GUCY1B1: variants seen among roughly 807,000 people sequenced by gnomAD.
The protein encoded by GUCY1B1 is guanylate cyclase 1 soluble subunit beta 1.
In GUCY1B1, 43 loss-of-function variants were observed where a neutral mutation model predicts 71.0. The observed-to-expected ratio is 0.61, with a 90% CI of 0.47 to 0.78. The LOEUF is 0.78. Among genes scored for constraint, GUCY1B1 ranks in the 30% least tolerant of loss-of-function variants. GUCY1B1 has a pLI of 0.00. For missense variants in GUCY1B1, 535 were observed against 754.1 expected (o/e 0.71, Z 3.40); for synonymous variants, 266 against 259.7 (o/e 1.02, Z -0.23).
At chr4:155,784,631 AG>A (rs1738645582) in intron 4 of GUCY1B1, among the ~76,000 whole-genome samples, 1 of 152,182 alleles carries the variant, frequency 6.6e-6, no homozygotes. Context: ...GATTTCTTGC[AG>A]ATCTAAACTG....
chr4:155,795,570 C>T (rs757906067), intron 7 of GUCY1B1, 113 bp downstream of exon 7: 62 of 539,606 alleles, frequency 1.1e-4, no homozygotes, highest in Non-Finnish European at 1.8e-4. Flanking sequence ...AAAACCCAGA[C>T]CTCAAAGGAA....
chr4:155,774,825 T>A (rs1737931855), intron 2 of GUCY1B1, 143 bp from the exon 3 acceptor site: 1 of 623,206 alleles, frequency 1.6e-6, no homozygotes, highest in Non-Finnish European at 2.8e-6. Context: ...TTTAGGTACA[T>A]GATGATGTTT....
intron 2 of GUCY1B1, 25 bp downstream of exon 2, chr4:155,759,885 T>C: frequency 6.3e-7 from 1 of 1,584,352 alleles, no homozygotes; most frequent in Non-Finnish European, 8.7e-7. Flanking sequence ...ACCCTGGCTG[T>C]GGCCCAGGTC....
chr4:155,766,325 T>C (rs1419229192), intron 2 of GUCY1B1, among the ~76,000 whole-genome samples: 2 of 152,192 alleles, frequency 1.3e-5, no homozygotes, highest in Admixed American at 6.5e-5. Context: ...ATAAAAGTTA[T>C]ATATATTTAA....
At chr4:155,782,061 G>A (rs1018751269) in intron 4 of GUCY1B1, among the ~76,000 whole-genome samples, 2 of 151,240 alleles carry the variant, frequency 1.3e-5, no homozygotes, top group Non-Finnish European at 2.9e-5. Flanking sequence ...CTTTTTTTGC[G>A]TTTTTTAATG....
intron 2 of GUCY1B1, among the ~76,000 whole-genome samples, chr4:155,762,129 G>A (rs2219538): frequency 0.27 from 41,447 of 152,040 alleles, 5,903 homozygotes; most frequent in Middle Eastern, 0.4. Context: ...CCCTGGGAGA[G>A]CATTTGCTTT....
chr4:155,799,893 G>A lies in GUCY1B1; in HGVS notation c.994G>A (p.Asp332Asn), dbSNP rs750971905. 26 of 1,609,642 alleles carry A rather than the reference G, an allele frequency of 1.6e-5. No individual in the cohort carries two copies. The highest frequency in any genetic ancestry group is 2.2e-5 in the South Asian group (2 of 90,754). ...ATATGACAGTGTCATGAACCTGGAC[G>A]ATTTGACAAGGAGAGGGCTGTATCT... ...LCSPSVMNLD[D>N]LTRRGLYLSD... is the part of the protein sequence containing the mutation. The change falls in exon 9 of 14, where the codon GAT becomes AAT. Residue 332 changes from aspartate (D) to asparagine (N), a missense_variant. Transcript: ENST00000264424.
At chr4:155,783,773 A>G (rs1579221689) in intron 4 of GUCY1B1, among the ~76,000 whole-genome samples, 1 of 152,316 alleles carries the variant, frequency 6.6e-6, no homozygotes, top group South Asian at 2.1e-4. Flanking sequence ...AAATTCTAAT[A>G]CTTCCCTAAA....
chr4:155,766,973 C>T (rs538585368), intron 2 of GUCY1B1, among the ~76,000 whole-genome samples: 1 of 152,116 alleles, frequency 6.6e-6, no homozygotes, highest in African/African-American at 2.4e-5. Context: ...CTCAGTTAAT[C>T]CTCATCACCA....
intron 4 of GUCY1B1, among the ~76,000 whole-genome samples, chr4:155,780,196 C>T (rs1053210669): frequency 2.0e-5 from 3 of 152,180 alleles, no homozygotes; most frequent in African/African-American, 7.2e-5. Flanking sequence ...AACCTACATC[C>T]TTTCTGCATC....
chr4:155,796,718 T>C (rs1739581655), intron 8 of GUCY1B1, among the ~76,000 whole-genome samples: 1 of 152,230 alleles, frequency 6.6e-6, no homozygotes, highest in African/African-American at 2.4e-5. Context: ...TCTATGTTAT[T>C]TGCCATGTCT....
chr4:155,767,113 T>C (rs1255313391), intron 2 of GUCY1B1, among the ~76,000 whole-genome samples: 1 of 152,284 alleles, frequency 6.6e-6, no homozygotes, highest in East Asian at 1.9e-4. Flanking sequence ...AAAGTTGTAA[T>C]TATCATGTTA....
intron 4 of GUCY1B1, among the ~76,000 whole-genome samples, chr4:155,788,582 G>A (rs1479868209): frequency 6.6e-6 from 1 of 152,176 alleles, no homozygotes; most frequent in African/African-American, 2.4e-5. Flanking sequence ...TTCACCATGC[G>A]ATACAACATA....
intron 7 of GUCY1B1, among the ~76,000 whole-genome samples, chr4:155,795,848 C>T (rs1036891243): frequency 2.6e-5 from 4 of 152,028 alleles, no homozygotes; most frequent in African/African-American, 9.6e-5. Flanking sequence ...TTCTTAGTAG[C>T]GTTTTTGTGG....
intron 10 of GUCY1B1, 63 bp from the exon 11 acceptor site, chr4:155,803,561 G>A (rs1287512483): frequency 1.4e-5 from 16 of 1,150,804 alleles, no homozygotes; most frequent in Non-Finnish European, 1.8e-5. Flanking sequence ...TTTTTTGTTA[G>A]GGTAATAAAT....
chr4:155,769,154 G>T (rs1374620171), intron 2 of GUCY1B1, among the ~76,000 whole-genome samples: 3 of 152,098 alleles, frequency 2.0e-5, no homozygotes, highest in African/African-American at 7.2e-5. Context: ...TTTTGCATAG[G>T]TTAATTCTGC....
chr4:155,805,935 G>A (rs566654786), intron 13 of GUCY1B1, among the ~76,000 whole-genome samples: 1 of 152,132 alleles, frequency 6.6e-6, no homozygotes, highest in Non-Finnish European at 1.5e-5. Context: ...CTAGCCTTTT[G>A]TAAGGAGTGG....
intron 2 of GUCY1B1, among the ~76,000 whole-genome samples, chr4:155,760,259 C>T (rs571224888): frequency 1.3e-5 from 2 of 152,302 alleles, no homozygotes; most frequent in Admixed American, 1.3e-4. Context: ...AAACGGAAGA[C>T]TTTGGCTCCT....
At chr4:155,789,595 C>T (rs1246339062) in intron 4 of GUCY1B1, 119 bp from the exon 5 acceptor site, 1 of 586,550 alleles carries the variant, frequency 1.7e-6, no homozygotes, top group Non-Finnish European at 3.0e-6. Context: ...GCTACATGTG[C>T]TGCTTCGCTG....
Sources: gnomAD v4.1 joint callset for allele counts (sites outside exome capture counted in the v4.1 genomes callset) on GRCh38, gnomAD v4.1.1 for gene constraint, MANE v1.5 for transcripts, NCBI Gene and HGNC (gene_info 2026-07-23, HGNC 2026-07-21) for gene names.